Variants in STARD9 observed in about 807,000 individuals in gnomAD.
STARD9 encodes stAR-related lipid transfer protein 9.
Under a neutral mutation model 399.8 loss-of-function variants are expected in STARD9, and 346 were observed. That is an observed-to-expected ratio of 0.87 (90% CI 0.79 to 0.95). The LOEUF is 0.95. Among genes scored for constraint, STARD9 ranks in the 40% least tolerant of loss-of-function variants. The pLI, the probability that STARD9 is intolerant of heterozygous loss-of-function variation, is 0.00. For missense variants in STARD9, 5,832 were observed against 5,667.5 expected (o/e 1.03, Z -0.93); for synonymous variants, 2,203 against 2,143.5 (o/e 1.03, Z -0.77).
chr15:42,700,433 C>A (rs548517220), intron 26 of STARD9, among the ~76,000 whole-genome samples: 3 of 152,274 alleles, frequency 2.0e-5, no homozygotes, highest in Admixed American at 2.0e-4. Flanking sequence ...GACATCCTTA[C>A]CAGCATTTGT....
intron 16 of STARD9, chr15:42,670,748 C>G (rs2060187798): frequency 6.6e-6 from 1 of 152,268 alleles, no homozygotes; most frequent in African/African-American, 2.4e-5. Context: ...AGAGACTGAG[C>G]TGCTCAGACA....
chr15:42,620,299 T>C (rs1369959541), intron 3 of STARD9, among the ~76,000 whole-genome samples: 15 of 151,746 alleles, frequency 9.9e-5, no homozygotes, highest in Admixed American at 5.3e-4. Flanking sequence ...TTTTTTTTTT[T>C]CCGAGACTAT....
At chr15:42,675,082 C>G (rs1202912500) in intron 18 of STARD9, 118 bp downstream of exon 18, 1 of 1,091,206 alleles carries the variant, frequency 9.2e-7, no homozygotes, top group Non-Finnish European at 1.2e-6. Flanking sequence ...CCTCTGCACC[C>G]TGAAGTCTGA....
chr15:42,709,375 G>A (rs1042813763), intron 26 of STARD9, among the ~76,000 whole-genome samples: 2 of 152,126 alleles, frequency 1.3e-5, no homozygotes, highest in Non-Finnish European at 2.9e-5. Context: ...TGGACAGAGG[G>A]AGACCCTGTC....
intron 3 of STARD9, among the ~76,000 whole-genome samples, chr15:42,626,071 GCCACCA>G (rs1474301463): frequency 6.6e-6 from 1 of 151,964 alleles, no homozygotes; most frequent in Admixed American, 6.6e-5. Context: ...ACAGGCACCT[GCCACCA>G]CGCCTGGCTA....
At chr15:42,654,230 A>G (rs2059819405) in intron 9 of STARD9, among the ~76,000 whole-genome samples, 1 of 152,192 alleles carries the variant, frequency 6.6e-6, no homozygotes, top group African/African-American at 2.4e-5. Flanking sequence ...AAAATCAGAC[A>G]TGGATGGTTC....
At chr15:42,627,763 A>C (rs1660960376) in intron 3 of STARD9, among the ~76,000 whole-genome samples, 1 of 152,026 alleles carries the variant, frequency 6.6e-6, no homozygotes, top group Non-Finnish European at 1.5e-5. Context: ...ACAGGGTTTC[A>C]CTGTTTCTAT....
intron 3 of STARD9, among the ~76,000 whole-genome samples, chr15:42,595,909 G>A (rs890836354): frequency 6.6e-6 from 1 of 152,172 alleles, no homozygotes; most frequent in East Asian, 1.9e-4. Flanking sequence ...CTGTGAGCTG[G>A]ATTTTAATCT....
chr15:42,718,751 G>A lies in STARD9; in HGVS notation c.13843-1G>A, dbSNP rs1344020983. 1 of 1,537,188 alleles carries A rather than the reference G, an allele frequency of 6.5e-7. No individual in the cohort carries two copies. Among genetic ancestry groups the A allele is most frequent in the African/African-American group, 1.4e-5 (1 of 73,154 alleles). The stretch of plus-strand genomic sequence containing the variant: ...GGACTCCCATTTCCCTCTGTCCCCA[G>A]GGTCACCTGTCTGTCATGGCAGCCC... On this transcript the variant is annotated splice_acceptor_variant, in intron 31 of 32. Coordinates refer to ENST00000290607, the MANE Select transcript of STARD9 (RefSeq NM_020759.3). LOFTEE classifies it high-confidence loss of function.
chr15:42,706,905 G>T (rs1158526307), intron 26 of STARD9, among the ~76,000 whole-genome samples: 3 of 151,994 alleles, frequency 2.0e-5, no homozygotes, highest in Non-Finnish European at 2.9e-5. Context: ...CTATTTTGGG[G>T]CTAATATTGA....
At chr15:42,703,821 G>A (rs1231769313) in intron 26 of STARD9, among the ~76,000 whole-genome samples, 1 of 151,816 alleles carries the variant, frequency 6.6e-6, no homozygotes, top group Non-Finnish European at 1.5e-5. Context: ...CTGCTGTCAA[G>A]ACAGCATTTT....
chr15:42,594,152 C>G (rs888319208), intron 3 of STARD9, among the ~76,000 whole-genome samples: 1 of 152,206 alleles, frequency 6.6e-6, no homozygotes, highest in Non-Finnish European at 1.5e-5. Flanking sequence ...TTTTCCAATT[C>G]TGGACTTCAG....
At position 42,719,728 on chromosome 15, in the gene STARD9, TGCTA is replaced by T; in HGVS notation, c.*157_*160del. ...GGGGCAGACAGCACTGGCCCAGGGA[TGCTA>T]GCAAAGCCCAGTCAGTACTTGGTCA... is the stretch of plus-strand genomic sequence containing the variant. On this transcript the variant is annotated 3_prime_UTR_variant, in exon 33 of 33. Coordinates refer to ENST00000290607, the MANE Select transcript of STARD9 (RefSeq NM_020759.3). 1 of 604,548 alleles carries T rather than the reference TGCTA, an allele frequency of 1.7e-6. No individual in the cohort carries two copies. The highest frequency in any genetic ancestry group is 2.9e-6 in the Non-Finnish European group (1 of 341,920). The allele number at this position is 604,548 out of a possible 1,614,324, so 37.4% of individuals were successfully genotyped here.
chr15:42,715,623 C>T (rs983443807), intron 26 of STARD9, among the ~76,000 whole-genome samples: 1 of 151,282 alleles, frequency 6.6e-6, no homozygotes, highest in East Asian at 1.9e-4. Flanking sequence ...TGGGCTCAAG[C>T]GATTCTCTCA....
intron 7 of STARD9, among the ~76,000 whole-genome samples, chr15:42,650,214 TGGA>T (rs1018359515): frequency 2.6e-5 from 4 of 152,162 alleles, no homozygotes; most frequent in African/African-American, 9.7e-5. Flanking sequence ...GGGTCTTTCT[TGGA>T]TTGCTTTCTA....
In STARD9 at chr15:42,642,912, C is replaced by T. The variant is rs1164540821; in HGVS notation, c.559+4100C>T. On this transcript the variant is annotated intron_variant, in intron 7 of 32. Transcript: ENST00000290607. ...CTCCTGGACTCAGGCAGTCCTCCTACCTCAGCCTCCCAAGTAGCTGATACT... is the reference window on the plus strand; with the variant it reads ...CTCCTGGACTCAGGCAGTCCTCCTATCTCAGCCTCCCAAGTAGCTGATACT... Among the ~76,000 whole-genome samples the T allele has an allele frequency of 4.6e-5, 7 of 152,230 alleles. No homozygotes were observed. In the East Asian group the frequency reaches 1.4e-3, roughly 29 times the overall value.
intron 26 of STARD9, among the ~76,000 whole-genome samples, chr15:42,706,702 G>A (rs949017987): frequency 2.6e-5 from 4 of 151,700 alleles, no homozygotes; most frequent in Non-Finnish European, 4.4e-5. Context: ...CACCCATCTC[G>A]GCCTCCCAAA....
At position 42,692,269 on chromosome 15, in the gene STARD9, T is replaced by G; in HGVS notation, c.10691T>G (p.Ile3564Ser). Residue 3564 changes from isoleucine to serine, a missense_variant, in exon 23 of 33, where the codon ATT becomes AGT. Ile to Ser is a moderately radical substitution (Grantham distance 142). Transcript: ENST00000290607. ...GAAGTATTCCGAGGGAGTTCTTCAA[T>G]TGCCTTAGGAGACCCCCACATCCCG... ...AWEVFRGSSS[I>S]ALGDPHIPTS... 9 of 1,537,024 alleles carry G rather than the reference T, an allele frequency of 5.9e-6. No individual in the cohort carries two copies. Among genetic ancestry groups the G allele is most frequent in the Non-Finnish European group, 7.8e-6 (9 of 1,146,892 alleles).
intron 26 of STARD9, among the ~76,000 whole-genome samples, chr15:42,700,824 T>G (rs1361928940): frequency 3.3e-5 from 5 of 152,220 alleles, no homozygotes; most frequent in Non-Finnish European, 1.5e-5. Flanking sequence ...TCTTGAGGTC[T>G]TGTCCAAAAA....
Sources: allele counts gnomAD v4.1 joint callset (sites outside exome capture counted in the v4.1 genomes callset), GRCh38; gene constraint gnomAD v4.1.1; transcripts MANE v1.5; gene names NCBI Gene and HGNC (gene_info 2026-07-23, HGNC 2026-07-21).